Variants in WIPF3 observed in about 807,000 individuals in gnomAD.
WIPF3 encodes the protein WAS/WASL-interacting protein family member 3.
WIPF3 carries 33 observed loss-of-function variants against 38.9 expected under a neutral mutation model. The observed-to-expected ratio is 0.85, with a 90% CI of 0.64 to 1.14. The LOEUF is 1.14. Among genes scored for constraint, WIPF3 ranks in the 50% most tolerant of loss-of-function variants. WIPF3 has a pLI of 0.00. For synonymous variants in WIPF3, 324 were observed against 269.3 expected, an observed-to-expected ratio of 1.20 and a Z score of -1.99; for missense variants, 711 against 652.5, an observed-to-expected ratio of 1.09 and a Z score of -0.98.
rs993298069 is a variant in WIPF3, at chr7:29,844,432, T to C, written c.90+9618T>C. Among the ~76,000 whole-genome samples the C allele has an allele frequency of 9.2e-5, 14 of 152,238 alleles. No homozygotes were observed. The highest frequency in any genetic ancestry group is 2.1e-4 in the South Asian group (1 of 4,836). ...TGTGTTAAGCACTTAACATGGATTG[T>C]CTAAATTATCTAAATATTTACAACA... On this transcript the variant is annotated intron_variant, in intron 2 of 8. Transcript: ENST00000242140. The surrounding 1 kb of genome is among the most constrained non-coding windows in gnomAD (Gnocchi z 4.8).
chr7:29,893,037 C>T (rs1300450846), intron 7 of WIPF3, among the ~76,000 whole-genome samples: 1 of 151,860 alleles, frequency 6.6e-6, no homozygotes, highest in Non-Finnish European at 1.5e-5. Context: ...TGCAATCCAG[C>T]CTGGGTGACA....
intron 2 of WIPF3, among the ~76,000 whole-genome samples, chr7:29,843,485 G>A (rs908714833): frequency 2.0e-5 from 3 of 152,286 alleles, no homozygotes; most frequent in East Asian, 3.9e-4. Flanking sequence ...TGAGGGTTAC[G>A]GCAGGAAGGT....
At chr7:29,838,164 TG>T (rs1382663340) in intron 2 of WIPF3, among the ~76,000 whole-genome samples, 2 of 152,196 alleles carry the variant, frequency 1.3e-5, no homozygotes, top group African/African-American at 4.8e-5. Flanking sequence ...GTGATCCACC[TG>T]CCTCAGCCTC....
intron 2 of WIPF3, among the ~76,000 whole-genome samples, chr7:29,851,201 AGGAGGGTGCTGAGACT>A (rs898200873): frequency 6.6e-6 from 1 of 152,102 alleles, no homozygotes; most frequent in African/African-American, 2.4e-5. Flanking sequence ...GACTGCCCTC[AGGAGGGTGCTGAGACT>A]GGAGGTGGGG....
At chr7:29,888,504 T>C (rs867123719) in intron 6 of WIPF3, among the ~76,000 whole-genome samples, 7 of 145,504 alleles carry the variant, frequency 4.8e-5, no homozygotes, top group South Asian at 2.2e-4. Flanking sequence ...CGTGTGCGTG[T>C]GTGTGCGTGT....
chr7:29,894,799 C>T (rs1194081086), intron 7 of WIPF3, among the ~76,000 whole-genome samples: 8 of 152,030 alleles, frequency 5.3e-5, no homozygotes, highest in Admixed American at 2.0e-4. Flanking sequence ...GACACACACA[C>T]GAGCACACAC....
At chr7:29,869,810 A>C (rs1785464058) in intron 2 of WIPF3, among the ~76,000 whole-genome samples, 1 of 152,184 alleles carries the variant, frequency 6.6e-6, no homozygotes, top group African/African-American at 2.4e-5. Context: ...CCAGATGTGC[A>C]GTTTGTAGTT....
chr7:29,822,988 A>T (rs1288407728), intron 1 of WIPF3, among the ~76,000 whole-genome samples: 2 of 152,226 alleles, frequency 1.3e-5, no homozygotes, highest in Non-Finnish European at 2.9e-5. Context: ...TACTTTAAAA[A>T]ATTACATTTG....
chr7:29,860,285 A>G (rs552851763), intron 2 of WIPF3, among the ~76,000 whole-genome samples: 7 of 152,224 alleles, frequency 4.6e-5, no homozygotes, highest in African/African-American at 1.7e-4. Context: ...CCCAAACCTC[A>G]TTGTGAAATG....
chr7:29,827,701 T>A (rs1248554267), intron 1 of WIPF3, among the ~76,000 whole-genome samples: 5 of 152,312 alleles, frequency 3.3e-5, no homozygotes, highest in Non-Finnish European at 5.9e-5. Flanking sequence ...AAACAAGGGA[T>A]GTGTTTCTTT....
chr7:29,838,068 G>A (rs1399978276), intron 2 of WIPF3, among the ~76,000 whole-genome samples: 1 of 152,072 alleles, frequency 6.6e-6, no homozygotes, highest in Non-Finnish European at 1.5e-5. Flanking sequence ...ACAGGTGCCC[G>A]CCACCACGCC....
At chr7:29,809,456 C>G (rs1285552498) in intron 1 of WIPF3, among the ~76,000 whole-genome samples, 2 of 152,232 alleles carry the variant, frequency 1.3e-5, no homozygotes, top group East Asian at 1.9e-4. Context: ...AGAAAAGAAT[C>G]GTAATGTTTG....
intron 2 of WIPF3, among the ~76,000 whole-genome samples, chr7:29,854,251 G>C (rs761403310): frequency 1.6e-4 from 25 of 152,146 alleles, no homozygotes; most frequent in Non-Finnish European, 3.2e-4. Context: ...AATTTTAAAG[G>C]CTGCACAAAA....
chr7:29,869,543 A>G (rs1237935846), intron 2 of WIPF3, among the ~76,000 whole-genome samples: 1 of 152,166 alleles, frequency 6.6e-6, no homozygotes, highest in Non-Finnish European at 1.5e-5. Context: ...TGTCTGATCC[A>G]CCATTTATAT....
chr7:29,903,256 T>A (rs557172946), intron 7 of WIPF3, among the ~76,000 whole-genome samples: 2 of 152,220 alleles, frequency 1.3e-5, no homozygotes, highest in Admixed American at 1.3e-4. Flanking sequence ...ATCATATCAC[T>A]GCATTCCAGC....
intron 2 of WIPF3, among the ~76,000 whole-genome samples, chr7:29,849,268 A>G (rs1351680393): frequency 3.3e-5 from 5 of 152,150 alleles, no homozygotes; most frequent in Non-Finnish European, 7.4e-5. Flanking sequence ...GTGGAAATGG[A>G]TACAAGCAAC....
chr7:29,890,303 G>T (rs1027501340), intron 7 of WIPF3, among the ~76,000 whole-genome samples: 5 of 150,254 alleles, frequency 3.3e-5, no homozygotes, highest in Admixed American at 2.0e-4. Context: ...AGTGAGCTAT[G>T]ATTGTGCCAC....
intron 8 of WIPF3, among the ~76,000 whole-genome samples, chr7:29,910,642 A>G (rs1211979777): frequency 6.6e-6 from 1 of 152,212 alleles, no homozygotes; most frequent in Non-Finnish European, 1.5e-5. Context: ...AATATATTGC[A>G]TTAATAGGAT....
At chr7:29,901,396 T>C (rs1347936260) in intron 7 of WIPF3, among the ~76,000 whole-genome samples, 1 of 149,058 alleles carries the variant, frequency 6.7e-6, no homozygotes, top group Admixed American at 6.6e-5. Context: ...TTTTTTTTTT[T>C]TTTTTTTTTT....
Sources: gnomAD v4.1 joint callset for allele counts (sites outside exome capture counted in the v4.1 genomes callset) on GRCh38, gnomAD v4.1.1 for gene constraint, Gnocchi (gnomAD v3.1) non-coding constraint, MANE v1.5 for transcripts, NCBI Gene and HGNC (gene_info 2026-07-23, HGNC 2026-07-21) for gene names.